Variants in OTOG observed in about 807,000 individuals in gnomAD.
OTOG encodes otogelin.
OTOG carries 296 observed loss-of-function variants against 313.8 expected under a neutral mutation model. The observed-to-expected ratio is 0.94, with a 90% CI of 0.86 to 1.04. The LOEUF (loss-of-function observed/expected upper bound fraction) is 1.04, where lower values mean the gene tolerates loss of function less well. Ranked by LOEUF, OTOG falls within the 50% of genes least tolerant of loss-of-function variation. The pLI is 0.00. For synonymous variants in OTOG, 1,533 were observed against 1,554.9 expected, an observed-to-expected ratio of 0.99 and a Z score of 0.33; for missense variants, 3,948 against 3,840.1, an observed-to-expected ratio of 1.03 and a Z score of -0.74.
chr11:17,547,475 G>A lies in OTOG; in HGVS notation c.94+9G>A. ...GCGGGTGCAGCGCCTCGGTGAGAGGGTTGTGGACTCAGGGAGGTCGGGGGC... is the reference window on the plus strand; with the variant it reads ...GCGGGTGCAGCGCCTCGGTGAGAGGATTGTGGACTCAGGGAGGTCGGGGGC... On this transcript the variant is annotated intron_variant, in intron 1 of 55. Transcript: ENST00000399397. 1 of 1,360,212 alleles carries A rather than the reference G, an allele frequency of 7.4e-7. No individual in the cohort carries two copies. The highest frequency in any genetic ancestry group is 1.8e-5 in the South Asian group (1 of 55,722). The allele number at this position is 1,360,212 out of a possible 1,614,324, so 84.3% of individuals were successfully genotyped here.
chr11:17,633,935 C>T (rs1854196408), intron 43 of OTOG, 61 bp downstream of exon 43: 1 of 1,482,558 alleles, frequency 6.7e-7, no homozygotes. Flanking sequence ...TCGCCTCCTG[C>T]TGTCCACAGC....
intron 39 of OTOG, among the ~76,000 whole-genome samples, chr11:17,617,599 T>C (rs1339931035): frequency 1.3e-5 from 2 of 152,210 alleles, no homozygotes; most frequent in Non-Finnish European, 2.9e-5. Flanking sequence ...CATTAAGTTG[T>C]TCATCATATA....
intron 15 of OTOG, among the ~76,000 whole-genome samples, chr11:17,563,174 T>G (rs2134013530): frequency 6.6e-6 from 1 of 152,316 alleles, no homozygotes; most frequent in East Asian, 1.9e-4. Flanking sequence ...GGGGGTTTGT[T>G]TGTCTCTCAG....
Position 17,569,227 on chromosome 11 carries a change from G to A in OTOG, c.1716G>A (p.Leu572=). 1 of 1,550,582 alleles carries A rather than the reference G, an allele frequency of 6.4e-7. No individual in the cohort carries two copies. The highest frequency in any genetic ancestry group is 8.7e-7 in the Non-Finnish European group (1 of 1,146,992). The stretch of plus-strand genomic sequence containing the variant: ...AGGACCCTCGGAGGCAGGTGACCCT[G>A]ACCCAGGCAGGGGATGTCCTTCTGT... ...LHQDPRRQVT[L]TQAGDVLLFD... The change falls in exon 16 of 56, where the codon CTG becomes CTA. Residue 572 remains leucine, a synonymous_variant. Coordinates refer to ENST00000399397, the MANE Select transcript of OTOG (RefSeq NM_001292063.2).
At chr11:17,628,848 G>C (rs1174918624) in intron 39 of OTOG, among the ~76,000 whole-genome samples, 1 of 152,208 alleles carries the variant, frequency 6.6e-6, no homozygotes, top group Non-Finnish European at 1.5e-5. Context: ...CTCAGGATTT[G>C]TGTTTATTTG....
intron 30 of OTOG, among the ~76,000 whole-genome samples, chr11:17,599,425 A>T (rs1853190036): frequency 1.3e-5 from 2 of 152,222 alleles, no homozygotes; most frequent in South Asian, 4.1e-4. Flanking sequence ...TACTTGACAC[A>T]TCGCTGAGGT....
chr11:17,636,448 G>A (rs76802309), intron 47 of OTOG, among the ~76,000 whole-genome samples: 121 of 152,242 alleles, frequency 7.9e-4, no homozygotes, highest in African/African-American at 2.8e-3. Context: ...GAAGCATGAG[G>A]TTTTTTCTTA....
chr11:17,561,725 C>A lies in OTOG; in HGVS notation c.1562C>A (p.Pro521His), dbSNP rs1182514635. The change falls in exon 15 of 56, where the codon CCC becomes CAC. Residue 521 changes from proline to histidine, a missense_variant. Transcript: ENST00000399397. ...TTTGATGGCCGCCGGTACACGTTCC[C>A]CGCCACATGTCAGTACATCCTGGCC... is the stretch of plus-strand genomic sequence containing the variant. ...TTFDGRRYTF[P>H]ATCQYILAKS... is the part of the protein sequence containing the mutation. The A allele has an allele frequency of 6.4e-7, 1 of 1,550,546 alleles. No individual in the cohort carries two copies. The highest frequency in any genetic ancestry group is 1.2e-5 in the South Asian group (1 of 84,060).
At position 17,609,679 on chromosome 11, in the gene OTOG, C is replaced by T. The variant is rs1853475574; in HGVS notation, c.4379C>T (p.Pro1460Leu). The change falls in exon 36 of 56, where the codon CCC becomes CTC. Residue 1460 changes from proline to leucine, a missense_variant. Physicochemically the swap from Pro to Leu is moderately conservative, Grantham distance 98. Coordinates refer to ENST00000399397, the MANE Select transcript of OTOG (RefSeq NM_001292063.2). ...GGTGTGGAGCCAGCAGTTTGGGTTC[C>T]CACAGAGGCCCTTGGCAATGAGACC... ...EDCVEPAVWVPTEALGNETLP... is the reference protein window; with the variant it reads ...EDCVEPAVWVLTEALGNETLP... The T allele has an allele frequency of 2.7e-6, 4 of 1,503,948 alleles. No homozygotes were observed. The highest frequency in any genetic ancestry group is 2.5e-5 in the East Asian group (1 of 40,566). The allele number at this position is 1,503,948 out of a possible 1,614,324, so 93.2% of individuals were successfully genotyped here.
At chr11:17,548,280 AG>A in intron 3 of OTOG, 68 bp downstream of exon 3, 1 of 1,397,554 alleles carries the variant, frequency 7.2e-7, no homozygotes, top group Non-Finnish European at 9.7e-7. Flanking sequence ...TGAGGCTGGC[AG>A]GGAGCTCTGT....
intron 20 of OTOG, 74 bp downstream of exon 20, chr11:17,574,986 G>A (rs1852492473): frequency 7.3e-6 from 10 of 1,374,618 alleles, no homozygotes; most frequent in Non-Finnish European, 9.6e-6. Flanking sequence ...CTGAGACTGG[G>A]GAACCTGGCT....
rs144537371 is a variant in OTOG at position 17,568,357 on chromosome 11, T to G, written c.1645-799T>G. 2.9e-3 allele frequency among the ~76,000 whole-genome samples: 436 copies of G among 152,362 alleles called. 4 individuals carry two copies. Among genetic ancestry groups the G allele is most frequent in the African/African-American group, 1.0e-2 (415 of 41,576 alleles). Reference sequence around the variant, plus strand: ...ATATTGTGGTATTATTATGATAATTTTATGTTATTATCATTCCCTAGGAAG... The same window carrying G: ...ATATTGTGGTATTATTATGATAATTGTATGTTATTATCATTCCCTAGGAAG... On this transcript the variant is annotated intron_variant, in intron 15 of 55. Coordinates refer to ENST00000399397, the MANE Select transcript of OTOG (RefSeq NM_001292063.2).
Position 17,602,394 on chromosome 11 carries a change from T to C in OTOG, c.3877+17T>C. The C allele has an allele frequency of 1.3e-6, 2 of 1,544,760 alleles. No homozygotes were observed. Among genetic ancestry groups the C allele is most frequent in the Non-Finnish European group, 1.7e-6 (2 of 1,143,148 alleles). The stretch of plus-strand genomic sequence containing the variant: ...AGGCCCATGGTAAGGCCCATCCCAG[T>C]CCCACTCCAGCTCTTCTGGGAGGCA... On this transcript the variant is annotated intron_variant, in intron 32 of 55. Transcript: ENST00000399397.
chr11:17,595,926 C>T, intron 28 of OTOG, 112 bp from the exon 29 acceptor site: 2 of 740,958 alleles, frequency 2.7e-6, no homozygotes, highest in African/African-American at 3.5e-5. Context: ...TTTACAAGGA[C>T]CTGAATATCA....
rs1443626805 is a variant in OTOG, at chr11:17,596,128, G to A, written c.3499G>A (p.Glu1167Lys). Residue 1167 changes from glutamate (E) to lysine (K), a missense_variant, in exon 29 of 56, where the codon GAG (glutamate) becomes AAG (lysine). Physicochemically the swap from Glu to Lys is moderately conservative, Grantham distance 56. Transcript: ENST00000399397. ...AKKECSILLS[E>K]VFEICHPVVD... Reference sequence around the variant, plus strand: ...GAAGGAGTGCAGCATCCTGCTCAGTGAGGTGTTTGAGATCTGCCACCCTGT... The same window carrying A: ...GAAGGAGTGCAGCATCCTGCTCAGTAAGGTGTTTGAGATCTGCCACCCTGT... 2.6e-6 allele frequency: 4 copies of A among 1,550,390 alleles called. No homozygotes were observed. Among genetic ancestry groups the A allele is most frequent in the African/African-American group, 1.4e-5 (1 of 73,012 alleles).
chr11:17,603,130 A>C (rs950700171), intron 32 of OTOG, among the ~76,000 whole-genome samples: 1 of 152,122 alleles, frequency 6.6e-6, no homozygotes, highest in Non-Finnish European at 1.5e-5. Flanking sequence ...AGGCACAGCC[A>C]ACATCCCTAG....
chr11:17,596,929 T>C lies in OTOG; in HGVS notation c.3604T>C (p.Cys1202Arg). 6.4e-7 allele frequency: 1 copy of C among 1,550,848 alleles called. No homozygotes were observed. Among genetic ancestry groups the C allele is most frequent in the Non-Finnish European group, 8.7e-7 (1 of 1,147,046 alleles). Residue 1202 changes from cysteine (C) to arginine (R), a missense_variant, in exon 30 of 56, where the codon TGT (cysteine) becomes CGT (arginine). Cys to Arg is a radical substitution (Grantham distance 180, BLOSUM62 -3). Transcript: ENST00000399397. Reference protein sequence around the residue: ...CSQGGDCECFCASVSAYAHQC... With the variant: ...CSQGGDCECFRASVSAYAHQC... The stretch of plus-strand genomic sequence containing the variant: ...CCAGGGTGGTGACTGTGAGTGCTTC[T>C]GTGCCAGCGTCTCCGCTTATGCCCA...
At chr11:17,580,528 T>C (rs1308944878) in intron 23 of OTOG, among the ~76,000 whole-genome samples, 1 of 152,210 alleles carries the variant, frequency 6.6e-6, no homozygotes, top group Non-Finnish European at 1.5e-5. Context: ...CTTGAGTCCT[T>C]GCATGCTCTT....
intron 39 of OTOG, among the ~76,000 whole-genome samples, chr11:17,625,078 G>A (rs1853952303): frequency 6.6e-6 from 1 of 152,182 alleles, no homozygotes; most frequent in African/African-American, 2.4e-5. Flanking sequence ...GGGTTTTCTA[G>A]ATATAGGATC....
Sources: allele counts gnomAD v4.1 joint callset (sites outside exome capture counted in the v4.1 genomes callset), GRCh38; gene constraint gnomAD v4.1.1; transcripts MANE v1.5; gene names NCBI Gene and HGNC (gene_info 2026-07-23, HGNC 2026-07-21).